Variants in RBBP8 observed in about 807,000 individuals in gnomAD.
RBBP8 encodes DNA endonuclease RBBP8.
RBBP8 carries 88 observed loss-of-function variants against 108.3 expected under a neutral mutation model. The ratio of observed to expected loss-of-function variants is 0.81; its 90% CI spans 0.68 to 0.97. RBBP8 has a LOEUF of 0.97. RBBP8 is among the 50% of genes least tolerant of loss of function. The pLI is 0.00. For synonymous variants in RBBP8, 332 were observed against 348.2 expected (o/e 0.95, Z 0.52); for missense variants, 1,023 against 1,049.0 (o/e 0.98, Z 0.34).
intron 1 of RBBP8, among the ~76,000 whole-genome samples, chr18:22,936,527 A>C (rs1910595972): frequency 6.6e-6 from 1 of 152,186 alleles, no homozygotes; most frequent in Non-Finnish European, 1.5e-5. Flanking sequence ...AAATAAGAAA[A>C]TTTGCCTGAA....
Position 22,969,016 on chromosome 18 carries a change from T to C in RBBP8, c.361+98T>C, listed in dbSNP as rs55650360. On this transcript the variant is annotated intron_variant, in intron 5 of 18. Transcript: ENST00000327155. ...TGTAATTAAATGGATGGTTTACATATATTTTTCCTTATTTAGTAAAAGTTC... is the reference window on the plus strand; with the variant it reads ...TGTAATTAAATGGATGGTTTACATACATTTTTCCTTATTTAGTAAAAGTTC... The C allele has an allele frequency of 4.2e-4, 366 of 869,042 alleles. 2 individuals carry two copies. The African/African-American group carries it at 5.6e-3, about 13-fold the overall frequency. The allele number at this position is 869,042 out of a possible 1,614,324, so 53.8% of individuals were successfully genotyped here.
chr18:23,016,780 TCTC>T (rs748245012), intron 16 of RBBP8, 45 bp from the exon 17 acceptor site: 8 of 1,319,926 alleles, frequency 6.1e-6, no homozygotes, highest in Non-Finnish European at 8.8e-6. Flanking sequence ...GGGGATTATT[TCTC>T]CTCTGAACTC....
chr18:22,942,582 TC>T (rs1911191054), intron 2 of RBBP8, among the ~76,000 whole-genome samples: 1 of 152,132 alleles, frequency 6.6e-6, no homozygotes, highest in South Asian at 2.1e-4. Context: ...CATGATTGTA[TC>T]ATTTCATGAT....
chr18:23,026,317 A>G lies in RBBP8; in HGVS notation c.*77A>G, dbSNP rs2046450990. ...TTTATAGTTAAAGTTGGTACTAAAC[A>G]TTGATTTTTTTGATCTTCTGTAAAT... On this transcript the variant is annotated 3_prime_UTR_variant, in exon 19 of 19. Coordinates refer to ENST00000327155, the MANE Select transcript of RBBP8 (RefSeq NM_002894.3). 3 of 1,215,656 alleles carry G rather than the reference A, an allele frequency of 2.5e-6. No individual in the cohort carries two copies. Among genetic ancestry groups the G allele is most frequent in the Non-Finnish European group, 3.6e-6 (3 of 834,184 alleles). 75.3% of individuals were successfully genotyped at this position (1,215,656 alleles called of 1,614,324 possible).
Position 23,026,352 on chromosome 18 carries a change from A to C in RBBP8, c.*112A>C. 1 of 954,746 alleles carries C rather than the reference A, an allele frequency of 1.0e-6. No homozygotes were observed. Among genetic ancestry groups the C allele is most frequent in the Non-Finnish European group, 1.6e-6 (1 of 615,942 alleles). 59.1% of individuals were successfully genotyped at this position (954,746 alleles called of 1,614,324 possible). ...TTGATCTTCTGTAAATGGATTTATA[A>C]ATCAGTTTTCTATTGAAAATGTTTG... On this transcript the variant is annotated 3_prime_UTR_variant, in exon 19 of 19. Coordinates refer to ENST00000327155, the MANE Select transcript of RBBP8 (RefSeq NM_002894.3).
intron 16 of RBBP8, 94 bp from the exon 17 acceptor site, chr18:23,016,734 G>A (rs2046261045): frequency 3.1e-6 from 3 of 976,604 alleles, no homozygotes; most frequent in Non-Finnish European, 3.2e-6. Flanking sequence ...CTAACATACT[G>A]AATAAACATT....
chr18:22,928,156 G>A (rs1350164847), intron 3 of RBBP8, among the ~76,000 whole-genome samples: 3 of 151,026 alleles, frequency 2.0e-5, no homozygotes, highest in African/African-American at 7.3e-5. Context: ...AGCTGAGATC[G>A]CGCCACTGCA....
At position 22,976,034 on chromosome 18, in the gene RBBP8, G is replaced by A. The variant is rs78706828; in HGVS notation, c.428+815G>A. 2.0e-3 allele frequency among the ~76,000 whole-genome samples: 304 copies of A among 152,134 alleles called. 4 individuals carry two copies. The East Asian group carries it at 0.043, about 22-fold the overall frequency. On this transcript the variant is annotated intron_variant, in intron 6 of 18. Coordinates refer to ENST00000327155, the MANE Select transcript of RBBP8 (RefSeq NM_002894.3). Reference sequence around the variant, plus strand: ...AGGATAATCCTAATGGCGTTATAGCGTTCCTAAAGATCCTGTTGCGTTTAA... The same window carrying A: ...AGGATAATCCTAATGGCGTTATAGCATTCCTAAAGATCCTGTTGCGTTTAA...
At chr18:23,024,040 A>ATTTTTTTTTTT (rs35157427) in intron 18 of RBBP8, among the ~76,000 whole-genome samples, 2 of 102,930 alleles carry the variant, frequency 1.9e-5, no homozygotes, top group Non-Finnish European at 3.7e-5. Context: ...TACCCAGCCT[A>ATTTTTTTTTTT]TTTTTTTTTT....
chr18:22,964,614 TATTTTTA>T (rs1364371359), intron 4 of RBBP8, among the ~76,000 whole-genome samples: 3 of 150,928 alleles, frequency 2.0e-5, no homozygotes, highest in Non-Finnish European at 3.0e-5. Flanking sequence ...TCTTTCTTAA[TATTTTTA>T]ATTTTTAATT....
At chr18:22,995,355 C>T (rs889801602) in intron 12 of RBBP8, among the ~76,000 whole-genome samples, 4 of 152,134 alleles carry the variant, frequency 2.6e-5, no homozygotes, top group South Asian at 2.1e-4. Context: ...TGTAACTACA[C>T]TTTATGTAGT....
chr18:22,920,862 A>C (rs1423572852), intron 3 of RBBP8: 1 of 152,216 alleles, frequency 6.6e-6, no homozygotes, highest in Non-Finnish European at 1.5e-5. Context: ...GCAAGAAAAG[A>C]TTCTTCTGCC....
At position 23,006,360 on chromosome 18, in the gene RBBP8, T is replaced by C. The variant is rs1453703277; in HGVS notation, c.2288-3T>C. On this transcript the variant is annotated splice_region_variant and splice_polypyrimidine_tract_variant and intron_variant, in intron 15 of 18. Transcript: ENST00000327155. ...GTTTGTAATGTGCATGTTTTATTTATAGCTCATGGTGATAAACAAGACAAA... is the reference window on the plus strand; with the variant it reads ...GTTTGTAATGTGCATGTTTTATTTACAGCTCATGGTGATAAACAAGACAAA... 4 of 1,610,984 alleles carry C rather than the reference T, an allele frequency of 2.5e-6. No homozygotes were observed. Among genetic ancestry groups the C allele is most frequent in the African/African-American group, 2.7e-5 (2 of 74,810 alleles).
intron 5 of RBBP8, among the ~76,000 whole-genome samples, chr18:22,970,722 GC>G (rs974513355): frequency 1.3e-5 from 2 of 151,998 alleles, no homozygotes; most frequent in Admixed American, 6.5e-5. Flanking sequence ...TGCCCTATTT[GC>G]TGTTTGTATC....
chr18:22,955,169 C>T (rs1381004492), intron 4 of RBBP8, among the ~76,000 whole-genome samples: 2 of 152,222 alleles, frequency 1.3e-5, no homozygotes, highest in Non-Finnish European at 2.9e-5. Flanking sequence ...CCTTGCCTTT[C>T]ATTCCATTCA....
In RBBP8 at chr18:22,970,753, T is replaced by C. The variant is rs906839221; in HGVS notation, c.361+1835T>C. Among the ~76,000 whole-genome samples, 6 of 152,200 alleles carry C rather than the reference T, an allele frequency of 3.9e-5. 1 individual carries two copies. Among genetic ancestry groups the C allele is most frequent in the Non-Finnish European group, 8.8e-5 (6 of 68,030 alleles). On this transcript the variant is annotated intron_variant, in intron 5 of 18. Transcript: ENST00000327155. ...TGTATCTTTTAATTTAGTGAATAAC[T>C]AAGAGTTATTTATATATTATGGAAG...
chr18:22,953,941 C>T (rs1912264259), intron 4 of RBBP8, among the ~76,000 whole-genome samples: 1 of 151,922 alleles, frequency 6.6e-6, no homozygotes, highest in Non-Finnish European at 1.5e-5. Context: ...AAGTGCCAAG[C>T]AAAAGGGGGA....
chr18:22,951,031 C>T (rs772551184), intron 4 of RBBP8, among the ~76,000 whole-genome samples: 16 of 152,200 alleles, frequency 1.1e-4, no homozygotes, highest in Non-Finnish European at 1.9e-4. Context: ...AAATTGAGTA[C>T]TTTCTACAAC....
At chr18:22,991,097 C>T in intron 10 of RBBP8, 48 bp downstream of exon 10, 1 of 1,275,516 alleles carries the variant, frequency 7.8e-7, no homozygotes, top group Non-Finnish European at 1.1e-6. Context: ...TGGTGAGATC[C>T]CATTACAATG....
Sources: gnomAD v4.1 joint callset for allele counts (sites outside exome capture counted in the v4.1 genomes callset) on GRCh38, gnomAD v4.1.1 for gene constraint, MANE v1.5 for transcripts, NCBI Gene and HGNC (gene_info 2026-07-23, HGNC 2026-07-21) for gene names.